Variants in THSD7B observed in about 807,000 individuals in gnomAD.
The protein encoded by THSD7B is thrombospondin type-1 domain-containing protein 7B.
In THSD7B, 138 loss-of-function variants were observed where a neutral mutation model predicts 213.6. That is an observed-to-expected ratio of 0.65 (90% CI 0.56 to 0.74). The LOEUF is 0.74. THSD7B is among the 30% of genes least tolerant of loss of function. The pLI is 0.00. For synonymous variants in THSD7B, 742 were observed against 687.0 expected, an observed-to-expected ratio of 1.08 and a Z score of -1.25; for missense variants, 1,931 against 1,991.5, an observed-to-expected ratio of 0.97 and a Z score of 0.58.
At chr2:137,587,947 A>T (rs116540276) in intron 17 of THSD7B, among the ~76,000 whole-genome samples, 2,285 of 152,336 alleles carry the variant, frequency 0.015, 56 homozygotes, top group African/African-American at 0.052. Flanking sequence ...GAGTCTACAA[A>T]GGCAGCAGGC....
At chr2:137,453,617 C>T (rs1159629147) in intron 15 of THSD7B, among the ~76,000 whole-genome samples, 1 of 152,130 alleles carries the variant, frequency 6.6e-6, no homozygotes, top group Non-Finnish European at 1.5e-5. Context: ...GCGTGAGCTA[C>T]TGCACCTGGC....
At chr2:137,264,038 A>G (rs1682517676) in intron 10 of THSD7B, among the ~76,000 whole-genome samples, 1 of 152,224 alleles carries the variant, frequency 6.6e-6, no homozygotes, top group African/African-American at 2.4e-5. Flanking sequence ...TTAATAATGC[A>G]TGTATGTACA....
At chr2:136,835,343 T>C (rs1682826659) in intron 1 of THSD7B, among the ~76,000 whole-genome samples, 1 of 152,248 alleles carries the variant, frequency 6.6e-6, no homozygotes, top group Admixed American at 6.5e-5. Context: ...TCATGACTGC[T>C]AAGCCATTTT....
chr2:137,525,159 T>C (rs769313501), intron 15 of THSD7B, among the ~76,000 whole-genome samples: 3 of 152,198 alleles, frequency 2.0e-5, no homozygotes, highest in Admixed American at 6.5e-5. Flanking sequence ...GAACCACACA[T>C]GAATATTGTG....
chr2:136,861,212 G>A (rs1436550679), intron 1 of THSD7B, among the ~76,000 whole-genome samples: 1 of 152,174 alleles, frequency 6.6e-6, no homozygotes, highest in Non-Finnish European at 1.5e-5. Context: ...GGTAGGACCT[G>A]GCATAGGAAT....
intron 5 of THSD7B, among the ~76,000 whole-genome samples, chr2:137,130,975 A>C (rs1030279859): frequency 1.3e-5 from 2 of 151,726 alleles, no homozygotes; most frequent in African/African-American, 4.8e-5. Flanking sequence ...AAATGGTTGA[A>C]CTAGTTTACA....
intron 1 of THSD7B, among the ~76,000 whole-genome samples, chr2:136,820,215 G>T (rs1026201108): frequency 1.3e-5 from 2 of 152,174 alleles, no homozygotes; most frequent in Non-Finnish European, 2.9e-5. Context: ...TGCTGGATAG[G>T]GTGGGTGCTC....
intron 7 of THSD7B, among the ~76,000 whole-genome samples, chr2:137,216,777 T>C (rs901329596): frequency 5.3e-5 from 8 of 152,172 alleles, no homozygotes; most frequent in Non-Finnish European, 1.2e-4. Flanking sequence ...CAAACTTGAA[T>C]AAGTCACATG....
intron 5 of THSD7B, among the ~76,000 whole-genome samples, chr2:137,131,080 G>T (rs1206929979): frequency 7.8e-6 from 1 of 128,938 alleles, no homozygotes; most frequent in South Asian, 2.5e-4. Context: ...TCTAACTGAT[G>T]TGAGATGGTA....
At chr2:137,552,091 C>A (rs1384597121) in intron 15 of THSD7B, among the ~76,000 whole-genome samples, 2 of 152,158 alleles carry the variant, frequency 1.3e-5, no homozygotes, top group African/African-American at 2.4e-5. Context: ...AAGACATAGG[C>A]CTGCTCTTGC....
chr2:137,222,145 G>A (rs1381290431), intron 7 of THSD7B, among the ~76,000 whole-genome samples: 1 of 152,100 alleles, frequency 6.6e-6, no homozygotes, highest in Non-Finnish European at 1.5e-5. Flanking sequence ...TATAAATAGT[G>A]TTTGTAATTT....
At chr2:137,220,483 C>A (rs11892718) in intron 7 of THSD7B, among the ~76,000 whole-genome samples, 90,851 of 152,058 alleles carry the variant, frequency 0.6, 27,551 homozygotes, top group South Asian at 0.71. Flanking sequence ...ATAACACTAC[C>A]CACCTATAAG....
At chr2:137,070,344 C>A (rs900030626) in intron 3 of THSD7B, among the ~76,000 whole-genome samples, 6 of 151,680 alleles carry the variant, frequency 4.0e-5, no homozygotes, top group African/African-American at 1.5e-4. Flanking sequence ...TTTATTTGAA[C>A]AAATTCCTAC....
At chr2:136,808,586 TA>T (rs1682325523) in intron 1 of THSD7B, among the ~76,000 whole-genome samples, 1 of 152,216 alleles carries the variant, frequency 6.6e-6, no homozygotes, top group African/African-American at 2.4e-5. Context: ...ATCAGTTGGC[TA>T]AATGCTTAGA....
intron 2 of THSD7B, among the ~76,000 whole-genome samples, chr2:136,988,863 C>A (rs1476636407): frequency 6.6e-6 from 1 of 152,090 alleles, no homozygotes; most frequent in Non-Finnish European, 1.5e-5. Context: ...TGTGCACTGG[C>A]CTAGGTGATA....
intron 12 of THSD7B, among the ~76,000 whole-genome samples, chr2:137,335,473 T>C (rs1014698587): frequency 6.6e-6 from 1 of 152,214 alleles, no homozygotes; most frequent in Non-Finnish European, 1.5e-5. Context: ...AACCTTTCTT[T>C]TATTTTCCCC....
intron 3 of THSD7B, among the ~76,000 whole-genome samples, chr2:137,083,134 T>C (rs1323860494): frequency 6.6e-6 from 1 of 152,080 alleles, no homozygotes; most frequent in Non-Finnish European, 1.5e-5. Flanking sequence ...ATTTTAACAG[T>C]GCAGGTTTAT....
rs562995409 is a variant in THSD7B at position 137,662,504 on chromosome 2, T to C, written c.4459-879T>C. 4.6e-5 allele frequency among the ~76,000 whole-genome samples: 7 copies of C among 152,166 alleles called. No homozygotes were observed. The South Asian group carries it at 1.5e-3, about 32-fold the overall frequency. ...CCTGATGGTTGCCTGACATTCCTGG[T>C]GGGGGACCCTTCTCCTGCCCTGCTT... is the stretch of plus-strand genomic sequence containing the variant. On this transcript the variant is annotated intron_variant, in intron 25 of 27. Transcript: ENST00000409968.
At chr2:137,427,381 G>A (rs1408545136) in intron 14 of THSD7B, among the ~76,000 whole-genome samples, 1 of 152,110 alleles carries the variant, frequency 6.6e-6, no homozygotes, top group African/African-American at 2.4e-5. Flanking sequence ...ATTCACAACA[G>A]CCAAGATATG....
Sources: allele counts gnomAD v4.1 joint callset (sites outside exome capture counted in the v4.1 genomes callset), GRCh38; gene constraint gnomAD v4.1.1; transcripts MANE v1.5; gene names NCBI Gene and HGNC (gene_info 2026-07-23, HGNC 2026-07-21).